Variants in MED12L observed in about 807,000 individuals in gnomAD.
The protein encoded by MED12L is mediator of RNA polymerase II transcription subunit 12-like protein.
MED12L carries 60 observed loss-of-function variants against 281.3 expected under a neutral mutation model. That is an observed-to-expected ratio of 0.21 (90% CI 0.17 to 0.26). The LOEUF (loss-of-function observed/expected upper bound fraction) is 0.26, where lower values mean the gene tolerates loss of function less well. Among genes scored for constraint, MED12L ranks in the 10% least tolerant of loss-of-function variants. MED12L has a pLI of 1.00. For synonymous variants in MED12L, 974 were observed against 987.2 expected (o/e 0.99, Z 0.25); for missense variants, 2,146 against 2,680.9 (o/e 0.80, Z 4.41).
intron 16 of MED12L, among the ~76,000 whole-genome samples, chr3:151,194,783 T>C (rs1219685430): frequency 6.6e-6 from 1 of 152,254 alleles, no homozygotes; most frequent in Non-Finnish European, 1.5e-5. Context: ...AGTTTATTCT[T>C]GGCTTCACTA....
chr3:151,114,129 T>C (rs1712351947), intron 2 of MED12L, among the ~76,000 whole-genome samples: 1 of 152,248 alleles, frequency 6.6e-6, no homozygotes, highest in African/African-American at 2.4e-5. Flanking sequence ...GACTGAAACC[T>C]TTCTGACTTA....
intron 16 of MED12L, among the ~76,000 whole-genome samples, chr3:151,247,785 T>A (rs1212270156): frequency 7.1e-6 from 1 of 141,682 alleles, no homozygotes; most frequent in Admixed American, 7.1e-5. Context: ...AAAAAAAAAA[T>A]GAATTAGGAC....
intron 11 of MED12L, among the ~76,000 whole-genome samples, chr3:151,173,955 G>T (rs1260851555): frequency 6.6e-6 from 1 of 152,158 alleles, no homozygotes; most frequent in African/African-American, 2.4e-5. Flanking sequence ...GTACAGTGAT[G>T]AATTTTGGAA....
At chr3:151,179,960 A>G (rs1443120770) in intron 11 of MED12L, among the ~76,000 whole-genome samples, 2 of 152,174 alleles carry the variant, frequency 1.3e-5, no homozygotes, top group African/African-American at 4.8e-5. Flanking sequence ...CACTCTAAAT[A>G]TCCTAAGGAA....
At chr3:151,182,880 C>T (rs891836437) in intron 11 of MED12L, among the ~76,000 whole-genome samples, 20 of 152,166 alleles carry the variant, frequency 1.3e-4, no homozygotes, top group Admixed American at 9.8e-4. Context: ...GTTTAGCTTG[C>T]CTCTCATTAC....
intron 36 of MED12L, among the ~76,000 whole-genome samples, chr3:151,387,184 TAA>T (rs1713532312): frequency 6.9e-6 from 1 of 144,066 alleles, no homozygotes; most frequent in Non-Finnish European, 1.5e-5. Context: ...ATGTTAAGAA[TAA>T]AAAGAGGGTA....
chr3:151,337,762 T>C, intron 16 of MED12L: 1 of 1,552,222 alleles, frequency 6.4e-7, no homozygotes, highest in Non-Finnish European at 8.9e-7. Flanking sequence ...CTTAGCGCTT[T>C]GCTTTAACGA....
At chr3:151,417,524 G>C (rs1297166911) in intron 43 of MED12L, among the ~76,000 whole-genome samples, 2 of 108,660 alleles carry the variant, frequency 1.8e-5, no homozygotes, top group Admixed American at 1.5e-4. Flanking sequence ...AATCTCACTC[G>C]ATCACTCAAG....
intron 16 of MED12L, among the ~76,000 whole-genome samples, chr3:151,233,735 AAAAAAC>A (rs746595828): frequency 1.3e-5 from 2 of 152,212 alleles, no homozygotes; most frequent in Non-Finnish European, 2.9e-5. Flanking sequence ...CTCCGTCTCA[AAAAAAC>A]AAAAACAAAA....
In MED12L at chr3:151,416,658, G is replaced by A. The variant is rs73159929; in HGVS notation, c.6408+236G>A. On this transcript the variant is annotated intron_variant, in intron 43 of 44. Coordinates refer to ENST00000687756, the MANE Select transcript of MED12L (RefSeq NM_001393769.1). The stretch of plus-strand genomic sequence containing the variant: ...ATACCATTATTCTTCAAAATTTTTC[G>A]GACTGTTCCACAGACAAAATTTTTT... Among the ~76,000 whole-genome samples, 1,311 of 152,070 alleles carry A rather than the reference G, an allele frequency of 8.6e-3. 17 individuals are homozygous for A. The highest frequency in any genetic ancestry group is 0.028 in the African/African-American group (1,181 of 41,452).
intron 43 of MED12L, among the ~76,000 whole-genome samples, chr3:151,421,048 G>C (rs1718187735): frequency 2.0e-5 from 3 of 152,136 alleles, no homozygotes; most frequent in Admixed American, 2.0e-4. Context: ...TTGGCAAATT[G>C]GGCACTCAGT....
At chr3:151,258,039 A>C (rs777969222) in intron 16 of MED12L, among the ~76,000 whole-genome samples, 4 of 152,168 alleles carry the variant, frequency 2.6e-5, no homozygotes, top group Non-Finnish European at 4.4e-5. Flanking sequence ...TATTTTTGAT[A>C]TTCCTGATTA....
At chr3:151,141,209 A>G (rs1378399575) in intron 5 of MED12L, among the ~76,000 whole-genome samples, 4 of 72,530 alleles carry the variant, frequency 5.5e-5, no homozygotes, top group Non-Finnish European at 8.9e-5. Flanking sequence ...TTGTTAGTAG[A>G]GACGGGGTTT....
intron 16 of MED12L, among the ~76,000 whole-genome samples, chr3:151,225,939 A>T (rs535093970): frequency 6.6e-6 from 1 of 152,286 alleles, no homozygotes; most frequent in South Asian, 2.1e-4. Context: ...AGTACATTGT[A>T]ACCTTTGGCT....
chr3:151,201,409 G>C (rs754433336), intron 16 of MED12L, among the ~76,000 whole-genome samples: 39 of 152,096 alleles, frequency 2.6e-4, no homozygotes, highest in Non-Finnish European at 5.3e-4. Flanking sequence ...GTTCCTTCCT[G>C]CCTTTATACT....
At chr3:151,354,150 A>G (rs1753632322) in intron 17 of MED12L, among the ~76,000 whole-genome samples, 1 of 150,188 alleles carries the variant, frequency 6.7e-6, no homozygotes, top group Non-Finnish European at 1.5e-5. Context: ...CAAAAAAAAA[A>G]AAAAAAAAAA....
At chr3:151,168,422 TC>T (rs985535777) in intron 11 of MED12L, among the ~76,000 whole-genome samples, 17 of 152,252 alleles carry the variant, frequency 1.1e-4, no homozygotes, top group African/African-American at 4.1e-4. Flanking sequence ...GCCGGAAGCT[TC>T]CCCTACCTGA....
intron 2 of MED12L, among the ~76,000 whole-genome samples, chr3:151,105,835 T>C (rs931297274): frequency 1.3e-5 from 2 of 152,160 alleles, no homozygotes; most frequent in African/African-American, 4.8e-5. Context: ...GTCTGATGCC[T>C]CAAACTTACG....
At chr3:151,292,492 T>C (rs1744391197) in intron 16 of MED12L, among the ~76,000 whole-genome samples, 1 of 151,888 alleles carries the variant, frequency 6.6e-6, no homozygotes, top group Non-Finnish European at 1.5e-5. Context: ...TTTCACCATG[T>C]TGGTCAGGCT....
Sources: gnomAD v4.1 joint callset for allele counts (sites outside exome capture counted in the v4.1 genomes callset) on GRCh38, gnomAD v4.1.1 for gene constraint, MANE v1.5 for transcripts, NCBI Gene and HGNC (gene_info 2026-07-23, HGNC 2026-07-21) for gene names.